Variants in ZNF366 observed in about 807,000 individuals in gnomAD.
ZNF366 encodes the protein dendritic cell-specific transcript protein.
ZNF366 carries 20 observed loss-of-function variants against 47.2 expected under a neutral mutation model. That is an observed-to-expected ratio of 0.42 (90% CI 0.30 to 0.62). The LOEUF is 0.62. Among genes scored for constraint, ZNF366 ranks in the 20% least tolerant of loss-of-function variants. The probability of loss-of-function intolerance (pLI) is 0.16; values close to 1 mark genes in which losing one functional copy is unlikely to be tolerated. For synonymous variants in ZNF366, 421 were observed against 395.1 expected (o/e 1.07, Z -0.78); for missense variants, 987 against 976.3 (o/e 1.01, Z -0.15).
At chr5:72,446,508 C>A (rs1310404776) in intron 4 of ZNF366, among the ~76,000 whole-genome samples, 1 of 152,204 alleles carries the variant, frequency 6.6e-6, no homozygotes, top group Non-Finnish European at 1.5e-5. Flanking sequence ...TTGAGTAGAT[C>A]TGGAACATAA....
At chr5:72,444,624 C>T (rs571065989) in intron 4 of ZNF366, among the ~76,000 whole-genome samples, 1 of 151,612 alleles carries the variant, frequency 6.6e-6, no homozygotes. Flanking sequence ...TTTTTTATCA[C>T]AGTCAAACAA....
At chr5:72,444,713 G>C (rs1051507799) in intron 4 of ZNF366, among the ~76,000 whole-genome samples, 3 of 152,072 alleles carry the variant, frequency 2.0e-5, no homozygotes, top group Non-Finnish European at 4.4e-5. Flanking sequence ...ATGCATAGGG[G>C]ATGTAGAGAC....
At chr5:72,476,176 C>G (rs1392437758) in intron 1 of ZNF366, among the ~76,000 whole-genome samples, 1 of 152,020 alleles carries the variant, frequency 6.6e-6, no homozygotes, top group Admixed American at 6.6e-5. Context: ...TGTTGTATGT[C>G]TCTAGAAGAA....
At chr5:72,458,924 T>C (rs1041488355) in intron 2 of ZNF366, among the ~76,000 whole-genome samples, 1 of 152,262 alleles carries the variant, frequency 6.6e-6, no homozygotes, top group Non-Finnish European at 1.5e-5. Flanking sequence ...TCATATGCTC[T>C]AAAATGCACT....
At chr5:72,486,192 G>A (rs1180316824) in intron 1 of ZNF366, among the ~76,000 whole-genome samples, 1 of 152,206 alleles carries the variant, frequency 6.6e-6, no homozygotes, top group African/African-American at 2.4e-5. Flanking sequence ...TGTTTCGTGA[G>A]AGGTTGTTGC....
intron 1 of ZNF366, among the ~76,000 whole-genome samples, chr5:72,492,124 C>T (rs766396443): frequency 2.6e-5 from 4 of 152,184 alleles, no homozygotes; most frequent in Non-Finnish European, 4.4e-5. Context: ...TTCTTGATAG[C>T]TTATGTTTAA....
chr5:72,453,461 T>G (rs1213309997), intron 3 of ZNF366, among the ~76,000 whole-genome samples: 2 of 152,214 alleles, frequency 1.3e-5, no homozygotes, highest in Non-Finnish European at 2.9e-5. Flanking sequence ...TGCATTGCAA[T>G]GGGCAAATGG....
chr5:72,498,061 C>G (rs956298166), intron 1 of ZNF366, among the ~76,000 whole-genome samples: 2 of 151,374 alleles, frequency 1.3e-5, no homozygotes, highest in Non-Finnish European at 2.9e-5. Flanking sequence ...TATTGTAATG[C>G]AATAAAATGC....
At chr5:72,469,208 A>G (rs1054518672) in intron 1 of ZNF366, among the ~76,000 whole-genome samples, 1 of 152,232 alleles carries the variant, frequency 6.6e-6, no homozygotes, top group Non-Finnish European at 1.5e-5. Flanking sequence ...AGCCTATTTT[A>G]AAAGCATAAC....
rs148266420 is a variant in ZNF366 at position 72,466,351 on chromosome 5, T to C, written c.-14-4841A>G. Among the ~76,000 whole-genome samples the C allele has an allele frequency of 9.8e-5, 15 of 152,314 alleles. No individual in the cohort carries two copies. In the East Asian group the frequency reaches 2.9e-3, roughly 29 times the overall value. On this transcript the variant is annotated intron_variant, in intron 1 of 4. Coordinates refer to ENST00000318442, the MANE Select transcript of ZNF366 (RefSeq NM_152625.3). Reference sequence around the variant, plus strand: ...ATTAATAACAGTCTGCTTTGATGAATGGGGAGTTGAAGCAAAGGCTGATCT... The same window carrying C: ...ATTAATAACAGTCTGCTTTGATGAACGGGGAGTTGAAGCAAAGGCTGATCT...
rs376721545 is a variant in ZNF366 at position 72,456,628 on chromosome 5, T to G, written c.1333-33A>C. ...GAGGCAAGATTCAGAAAAGTGGTGA[T>G]TGACAGGTAACATGCTTTCATCAGG... On this transcript the variant is annotated intron_variant, in intron 2 of 4. Transcript: ENST00000318442. 4 of 1,547,850 alleles carry G rather than the reference T, an allele frequency of 2.6e-6. No homozygotes were observed. In the African/African-American group the frequency reaches 4.1e-5, roughly 16 times the overall value.
chr5:72,468,488 A>G (rs1047762958), intron 1 of ZNF366, among the ~76,000 whole-genome samples: 1 of 152,236 alleles, frequency 6.6e-6, no homozygotes, highest in Non-Finnish European at 1.5e-5. Flanking sequence ...CAATTTTTGA[A>G]AGTTCCTAAA....
intron 1 of ZNF366, among the ~76,000 whole-genome samples, chr5:72,507,013 G>A (rs749664827): frequency 5.3e-5 from 8 of 152,140 alleles, no homozygotes; most frequent in African/African-American, 1.2e-4. Flanking sequence ...CAGATTTAAC[G>A]CAGTGTCCTC....
chr5:72,474,967 G>A (rs1299073637), intron 1 of ZNF366, among the ~76,000 whole-genome samples: 1 of 152,154 alleles, frequency 6.6e-6, no homozygotes, highest in Admixed American at 6.5e-5. Context: ...AGGAGGGGTA[G>A]CATAAAAGAA....
rs142170195 is a variant in ZNF366 at position 72,456,581 on chromosome 5, A to G, written c.1347T>C (p.His449=). The change falls in exon 3 of 5, where the codon CAT becomes CAC. Residue 449 remains histidine (H), a synonymous_variant. Coordinates refer to ENST00000318442, the MANE Select transcript of ZNF366 (RefSeq NM_152625.3). ...HSLTHKGVKE[H]KCGICGREFT... is the part of the protein sequence containing the mutation. ...ACTCCCGCCCACAAATCCCACACTT[A>G]TGCTCCTTCACACCCTGCAGGGAGG... 16 of 1,608,580 alleles carry G rather than the reference A, an allele frequency of 9.9e-6. No individual in the cohort carries two copies. The African/African-American group carries it at 1.7e-4, about 17-fold the overall frequency.
intron 1 of ZNF366, among the ~76,000 whole-genome samples, chr5:72,467,515 A>G (rs569967624): frequency 6.6e-6 from 1 of 152,346 alleles, no homozygotes; most frequent in African/African-American, 2.4e-5. Flanking sequence ...GCACCAAAAT[A>G]TAAATATTCC....
chr5:72,461,502 G>A lies in ZNF366; in HGVS notation c.-6C>T, dbSNP rs370561614. On this transcript the variant is annotated 5_prime_UTR_variant, in exon 2 of 5. Coordinates refer to ENST00000318442, the MANE Select transcript of ZNF366 (RefSeq NM_152625.3). The stretch of plus-strand genomic sequence containing the variant: ...ATCTTCATTTCCTTCTGCATCCTTG[G>A]CAATTTTCCTTTAAAGAGAAAGAAA... 3 of 1,531,126 alleles carry A rather than the reference G, an allele frequency of 2.0e-6. No homozygotes were observed. The highest frequency in any genetic ancestry group is 2.6e-6 in the Non-Finnish European group (3 of 1,141,502). The allele number at this position is 1,531,126 out of a possible 1,614,324, so 94.8% of individuals were successfully genotyped here. A position where few individuals can be genotyped will look rare whatever the true frequency, so the allele number is the denominator to read the frequency against.
At chr5:72,487,023 C>T (rs1743905889) in intron 1 of ZNF366, among the ~76,000 whole-genome samples, 1 of 152,198 alleles carries the variant, frequency 6.6e-6, no homozygotes, top group Non-Finnish European at 1.5e-5. Flanking sequence ...GATCCACCCG[C>T]CTTGGCCTCC....
intron 1 of ZNF366, among the ~76,000 whole-genome samples, chr5:72,506,048 T>A (rs181185751): frequency 1.3e-5 from 2 of 152,334 alleles, no homozygotes; most frequent in Non-Finnish European, 2.9e-5. Context: ...ATGGTTCAAT[T>A]TTGAATAAAG....
Sources: allele counts gnomAD v4.1 joint callset (sites outside exome capture counted in the v4.1 genomes callset), GRCh38; gene constraint gnomAD v4.1.1; transcripts MANE v1.5; gene names NCBI Gene and HGNC (gene_info 2026-07-23, HGNC 2026-07-21).